Variants in MITF observed in about 807,000 individuals in gnomAD.
The protein encoded by MITF is melanocyte inducing transcription factor.
In MITF, 17 loss-of-function variants were observed where a neutral mutation model predicts 60.5. The ratio of observed to expected loss-of-function variants is 0.28; its 90% CI spans 0.19 to 0.42. The LOEUF (loss-of-function observed/expected upper bound fraction) is 0.42. Among genes scored for constraint, MITF ranks in the 10% least tolerant of loss-of-function variants. The probability of loss-of-function intolerance (pLI) is 1.00; values close to 1 mark genes in which losing one functional copy is unlikely to be tolerated. For synonymous variants in MITF, 260 were observed against 248.5 expected (o/e 1.05, Z -0.43); for missense variants, 622 against 683.5 (o/e 0.91, Z 1.00).
At chr3:69,806,892 A>G (rs2063018182) in intron 1 of MITF, among the ~76,000 whole-genome samples, 1 of 152,202 alleles carries the variant, frequency 6.6e-6, no homozygotes, top group Admixed American at 6.5e-5. Flanking sequence ...TCCATGTGTA[A>G]TTAAAGACAG....
At chr3:69,828,945 A>T (rs1350492926) in intron 1 of MITF, among the ~76,000 whole-genome samples, 1 of 149,964 alleles carries the variant, frequency 6.7e-6, no homozygotes, top group Non-Finnish European at 1.5e-5. Context: ...ATATCGTGTG[A>T]GTGTGTGTGT....
intron 1 of MITF, among the ~76,000 whole-genome samples, chr3:69,858,073 A>G (rs1346324671): frequency 6.6e-6 from 1 of 152,126 alleles, no homozygotes; most frequent in Admixed American, 6.5e-5. Context: ...ACACATGACA[A>G]TATTTTAAGT....
intron 1 of MITF, among the ~76,000 whole-genome samples, chr3:69,812,601 G>T (rs2063117632): frequency 6.6e-6 from 1 of 152,030 alleles, no homozygotes; most frequent in African/African-American, 2.4e-5. Flanking sequence ...CTGATTATTT[G>T]CTGCCTCAGT....
At chr3:69,854,637 T>C (rs867616820) in intron 1 of MITF, among the ~76,000 whole-genome samples, 1 of 152,208 alleles carries the variant, frequency 6.6e-6, no homozygotes, top group African/African-American at 2.4e-5. Flanking sequence ...GTCTTCTGTA[T>C]GAAAGAGGTG....
intron 2 of MITF, among the ~76,000 whole-genome samples, chr3:69,936,300 A>G (rs1287285136): frequency 6.6e-6 from 1 of 152,200 alleles, no homozygotes; most frequent in Non-Finnish European, 1.5e-5. Flanking sequence ...CTATTAACCT[A>G]TTGCTGAAAG....
chr3:69,930,950 A>G (rs1388930510), intron 2 of MITF, among the ~76,000 whole-genome samples: 3 of 152,256 alleles, frequency 2.0e-5, no homozygotes, highest in Admixed American at 1.3e-4. Context: ...ATCAAAATCA[A>G]ATATCTTCAG....
At chr3:69,889,868 C>T (rs900894654) in intron 2 of MITF, among the ~76,000 whole-genome samples, 1 of 152,048 alleles carries the variant, frequency 6.6e-6, no homozygotes, top group East Asian at 1.9e-4. Context: ...TCTGAACAAG[C>T]CACATTTCCA....
chr3:69,922,417 T>G (rs906954313), intron 2 of MITF, among the ~76,000 whole-genome samples: 1 of 152,138 alleles, frequency 6.6e-6, no homozygotes, highest in Non-Finnish European at 1.5e-5. Flanking sequence ...AGTTAGGGTT[T>G]CACCATGTTG....
At chr3:69,896,848 T>A (rs2107336722) in intron 2 of MITF, among the ~76,000 whole-genome samples, 1 of 152,326 alleles carries the variant, frequency 6.6e-6, no homozygotes, top group Middle Eastern at 3.4e-3. Flanking sequence ...CAGTATCAGC[T>A]AGTACTGTTG....
chr3:69,954,549 T>A (rs1041652963), intron 7 of MITF, among the ~76,000 whole-genome samples: 128 of 152,292 alleles, frequency 8.4e-4, no homozygotes, highest in African/African-American at 2.8e-3. Flanking sequence ...TGGAACAGCC[T>A]TATGAAGTCC....
At chr3:69,739,872 C>T (rs1703462668) in intron 1 of MITF, among the ~76,000 whole-genome samples, 171 bp downstream of exon 1, 1 of 152,076 alleles carries the variant, frequency 6.6e-6, no homozygotes, top group Non-Finnish European at 1.5e-5. Context: ...CCTGCCCGGC[C>T]CAAGTGCGCC....
Position 69,938,043 on chromosome 3 carries a change from A to G in MITF, c.576A>G (p.Glu192=), listed in dbSNP as rs1403215085. The G allele has an allele frequency of 6.2e-7, 1 of 1,614,014 alleles. No individual in the cohort carries two copies. Among genetic ancestry groups the G allele is most frequent in the South Asian group, 1.1e-5 (1 of 91,082 alleles). ...MAMLTLNSNC[E]KEGFYKFEEQ... Reference sequence around the variant, plus strand: ...TGCTTACGCTTAACTCCAACTGTGAAAAAGAGGTAATTCATGTCTCCTCTC... The same window carrying G: ...TGCTTACGCTTAACTCCAACTGTGAGAAAGAGGTAATTCATGTCTCCTCTC... The change falls in exon 3 of 10, where the codon GAA becomes GAG. Residue 192 remains glutamate (E), a synonymous_variant. Transcript: ENST00000352241.
chr3:69,757,652 G>GA (rs1338941769), intron 1 of MITF, among the ~76,000 whole-genome samples: 2 of 151,652 alleles, frequency 1.3e-5, no homozygotes, highest in African/African-American at 2.4e-5. Flanking sequence ...TATCAGAGAT[G>GA]AAAAAAAACA....
chr3:69,774,788 G>A (rs1301589803), intron 1 of MITF, among the ~76,000 whole-genome samples: 1 of 152,082 alleles, frequency 6.6e-6, no homozygotes, highest in African/African-American at 2.4e-5. Context: ...CGTGGCTCTC[G>A]GAAGGAGGAG....
chr3:69,765,838 T>A (rs1162228494), intron 1 of MITF, among the ~76,000 whole-genome samples: 3 of 152,246 alleles, frequency 2.0e-5, no homozygotes, highest in African/African-American at 4.8e-5. Flanking sequence ...TTAGCCAACA[T>A]TGCCTTCTAA....
intron 3 of MITF, chr3:69,938,498 G>A: frequency 6.9e-7 from 1 of 1,459,608 alleles, no homozygotes; most frequent in African/African-American, 1.4e-5. Flanking sequence ...TGAGTTGGGG[G>A]AAGAAAGAAT....
At chr3:69,818,859 C>T (rs1277054583) in intron 1 of MITF, among the ~76,000 whole-genome samples, 2 of 152,074 alleles carry the variant, frequency 1.3e-5, no homozygotes, top group Admixed American at 1.3e-4. Context: ...GAAAGCAATG[C>T]TAGAGTCCCA....
At position 69,891,499 on chromosome 3, in the gene MITF, C is replaced by G. The variant is rs529425882; in HGVS notation, c.354+12116C>G. On this transcript the variant is annotated intron_variant, in intron 2 of 9. Transcript: ENST00000352241. ...GAAATACAGATTCCCTGTGCCTATC[C>G]CAGGCCTACTGAACCAGAAACTCTG... 2.0e-5 allele frequency among the ~76,000 whole-genome samples: 3 copies of G among 152,270 alleles called. 1 individual carries two copies. Among genetic ancestry groups the G allele is most frequent in the African/African-American group, 7.2e-5 (3 of 41,550 alleles).
At chr3:69,921,252 A>G (rs923398996) in intron 2 of MITF, among the ~76,000 whole-genome samples, 3 of 152,244 alleles carry the variant, frequency 2.0e-5, no homozygotes, top group African/African-American at 4.8e-5. Context: ...TAAGCTAAGC[A>G]TTAGCCAACT....
Sources: allele counts gnomAD v4.1 joint callset (sites outside exome capture counted in the v4.1 genomes callset), GRCh38; gene constraint gnomAD v4.1.1; transcripts MANE v1.5; gene names NCBI Gene and HGNC (gene_info 2026-07-23, HGNC 2026-07-21).